PCMTD2: variants seen among roughly 807,000 people sequenced by gnomAD.
The protein encoded by PCMTD2 is protein-L-isoaspartate (D-aspartate) O-methyltransferase domain containing 2.
In PCMTD2, 16 loss-of-function variants were observed where a neutral mutation model predicts 33.4. The ratio of observed to expected loss-of-function variants is 0.48; its 90% CI spans 0.32 to 0.73. The LOEUF is 0.73. Ranked by LOEUF, PCMTD2 falls within the 30% of genes least tolerant of loss-of-function variation. The pLI is 0.03. For synonymous variants in PCMTD2, 161 were observed against 160.8 expected (o/e 1.00, Z -0.01); for missense variants, 374 against 449.9 (o/e 0.83, Z 1.53).
rs1985344324 is a variant in PCMTD2 at position 64,260,174 on chromosome 20, CGGA to C, written c.212_214del (p.Glu71del). ...CACCTCTCAGCCCCGTGCATCTACTCGGAGGTGATGGAAGCCCTAGATCTGCAG... is the reference window on the plus strand; with the variant it reads ...CACCTCTCAGCCCCGTGCATCTACTCGGTGATGGAAGCCCTAGATCTGCAG... On this transcript the variant is annotated inframe_deletion, in exon 2 of 6. Coordinates refer to ENST00000308824, the MANE Select transcript of PCMTD2 (RefSeq NM_018257.3). The C allele has an allele frequency of 1.2e-6, 2 of 1,612,822 alleles. No individual in the cohort carries two copies. Among genetic ancestry groups the C allele is most frequent in the Non-Finnish European group, 1.7e-6 (2 of 1,178,946 alleles).
chr20:64,268,893 A>C (rs1475069102), intron 5 of PCMTD2, among the ~76,000 whole-genome samples: 1 of 152,214 alleles, frequency 6.6e-6, no homozygotes, highest in African/African-American at 2.4e-5. Flanking sequence ...GATAATGAGC[A>C]ACAATAGGAC....
chr20:64,264,615 G>A, intron 3 of PCMTD2, 84 bp downstream of exon 3: 1 of 731,904 alleles, frequency 1.4e-6, no homozygotes, highest in Non-Finnish European at 2.5e-6. Flanking sequence ...AAATCATGTG[G>A]TAGGAAACAT....
chr20:64,265,417 A>G lies in PCMTD2; in HGVS notation c.570A>G (p.Pro190=). The G allele has an allele frequency of 6.2e-7, 1 of 1,610,614 alleles. No homozygotes were observed. Among genetic ancestry groups the G allele is most frequent in the South Asian group, 1.1e-5 (1 of 90,484 alleles). The change falls in exon 4 of 6, where the codon CCA becomes CCG. Residue 190 remains proline (P), a synonymous_variant. Coordinates refer to ENST00000308824, the MANE Select transcript of PCMTD2 (RefSeq NM_018257.3). ...AAGTGGGAGGGATCCTTGTCATGCC[A>G]CTGGAAGAGAAGGTCAGATTCCCTT... The part of the protein sequence containing the change: ...LLKVGGILVM[P]LEEKLTKITR...
intron 2 of PCMTD2, 147 bp downstream of exon 2, chr20:64,260,419 G>A: frequency 1.6e-6 from 1 of 628,864 alleles, no homozygotes; most frequent in South Asian, 1.9e-5. Flanking sequence ...TCACTGGGTG[G>A]TGGATAGAGG....
chr20:64,260,174 C>A lies in PCMTD2; in HGVS notation c.209C>A (p.Ser70Ter). Residue 70 changes from serine to a stop codon, truncating the protein, a stop_gained, in exon 2 of 6, where the codon TCG (serine) becomes TAG (stop). Coordinates refer to ENST00000308824, the MANE Select transcript of PCMTD2 (RefSeq NM_018257.3). LOFTEE classifies it high-confidence loss of function. ...CACCTCTCAGCCCCGTGCATCTACT[C>A]GGAGGTGATGGAAGCCCTAGATCTG... ...NIHLSAPCIY[S>*]EVMEALDLQP... 6.2e-7 allele frequency: 1 copy of A among 1,612,940 alleles called. No homozygotes were observed. The highest frequency in any genetic ancestry group is 8.5e-7 in the Non-Finnish European group (1 of 1,178,938).
At chr20:64,267,308 A>T (rs757053888) in intron 4 of PCMTD2, among the ~76,000 whole-genome samples, 3 of 152,170 alleles carry the variant, frequency 2.0e-5, no homozygotes, top group African/African-American at 4.8e-5. Context: ...TATCAGGGCA[A>T]GGCTCATTTA....
In PCMTD2 at chr20:64,273,478, G is replaced by A; in HGVS notation, c.964G>A (p.Glu322Lys). The A allele has an allele frequency of 6.2e-7, 1 of 1,612,454 alleles. No individual in the cohort carries two copies. The highest frequency in any genetic ancestry group is 8.5e-7 in the Non-Finnish European group (1 of 1,179,470). ...EDLEEERREEEEKTPPETKPD... is the reference protein window; with the variant it reads ...EDLEEERREEKEKTPPETKPD... ...CTTGGAAGAGGAACGGAGGGAAGAA[G>A]AAGAGAAGACCCCGCCGGAAACAAA... The change falls in exon 6 of 6, where the codon GAA becomes AAA. Residue 322 changes from glutamate (E) to lysine (K), a missense_variant. Coordinates refer to ENST00000308824, the MANE Select transcript of PCMTD2 (RefSeq NM_018257.3).
At chr20:64,258,439 A>G (rs1305895315) in intron 1 of PCMTD2, among the ~76,000 whole-genome samples, 1 of 152,232 alleles carries the variant, frequency 6.6e-6, no homozygotes, top group Admixed American at 6.5e-5. Context: ...TGCAAAACCT[A>G]ATATTCAGCT....
intron 5 of PCMTD2, among the ~76,000 whole-genome samples, chr20:64,268,283 T>A (rs1230931643): frequency 1.3e-5 from 2 of 152,322 alleles, no homozygotes; most frequent in African/African-American, 4.8e-5. Context: ...AGGGAGCTCA[T>A]TTTGCCATGT....
Position 64,265,281 on chromosome 20 carries a change from T to C in PCMTD2, c.434T>C (p.Phe145Ser). 6.2e-7 allele frequency: 1 copy of C among 1,603,736 alleles called. No individual in the cohort carries two copies. Among genetic ancestry groups the C allele is most frequent in the Non-Finnish European group, 8.5e-7 (1 of 1,177,144 alleles). ...AGGTTTGACTTCTGTGAACCTTCCT[T>C]TGTTACTGGGAATTGCCTGGAGATT... ...FDKFDFCEPSFVTGNCLEISP... is the reference protein window; with the variant it reads ...FDKFDFCEPSSVTGNCLEISP... The change falls in exon 4 of 6, where the codon TTT becomes TCT. Residue 145 changes from phenylalanine (F) to serine (S), a missense_variant. Transcript: ENST00000308824.
chr20:64,263,115 G>A (rs1985501422), intron 2 of PCMTD2, among the ~76,000 whole-genome samples: 1 of 152,204 alleles, frequency 6.6e-6, no homozygotes, highest in African/African-American at 2.4e-5. Context: ...AAGGTGAGGG[G>A]TCAGTGAAAA....
intron 5 of PCMTD2, 37 bp downstream of exon 5, chr20:64,268,047 A>G: frequency 6.7e-7 from 1 of 1,485,028 alleles, no homozygotes; most frequent in Non-Finnish European, 9.1e-7. Context: ...TATCTTTTAG[A>G]TCTTTTCTCT....
chr20:64,270,759 C>T (rs974402696), intron 5 of PCMTD2, among the ~76,000 whole-genome samples: 3 of 144,024 alleles, frequency 2.1e-5, no homozygotes, highest in Admixed American at 6.8e-5. Flanking sequence ...GTGAGGTGTT[C>T]GTTGTGATAC....
intron 3 of PCMTD2, among the ~76,000 whole-genome samples, chr20:64,264,826 T>TA (rs1985590730): frequency 6.6e-6 from 1 of 152,222 alleles, no homozygotes; most frequent in Non-Finnish European, 1.5e-5. Context: ...CTCTAAACAG[T>TA]ATATGTAACT....
chr20:64,269,591 A>G (rs1289998185), intron 5 of PCMTD2, among the ~76,000 whole-genome samples: 1 of 152,232 alleles, frequency 6.6e-6, no homozygotes, highest in Non-Finnish European at 1.5e-5. Flanking sequence ...ACAGTGGAGT[A>G]GAAAACTCTG....
At position 64,261,077 on chromosome 20, in the gene PCMTD2, A is replaced by G. The variant is rs146844404; in HGVS notation, c.307+805A>G. Reference sequence around the variant, plus strand: ...ATGGAAGGGATTTCACTATGAAGCTATTTAGCCTATTTTCCAAACAAATGA... The same window carrying G: ...ATGGAAGGGATTTCACTATGAAGCTGTTTAGCCTATTTTCCAAACAAATGA... On this transcript the variant is annotated intron_variant, in intron 2 of 5. Transcript: ENST00000308824. Among the ~76,000 whole-genome samples, 361 of 152,314 alleles carry G rather than the reference A, an allele frequency of 2.4e-3. 2 individuals are homozygous for G. The highest frequency in any genetic ancestry group is 0.02 in the Middle Eastern group (6 of 294).
chr20:64,264,471 T>C lies in PCMTD2; in HGVS notation c.350T>C (p.Val117Ala). Residue 117 changes from valine to alanine, a missense_variant, in exon 3 of 6, where the codon GTG becomes GCG. Physicochemically the swap from Val to Ala is moderately conservative, Grantham distance 64. Coordinates refer to ENST00000308824, the MANE Select transcript of PCMTD2 (RefSeq NM_018257.3). ...CATGGGGTGGAACTTCACTCAGATG[T>C]GATAGAGTATGCAAAGCAGAAACTG... is the stretch of plus-strand genomic sequence containing the variant. Reference protein sequence around the residue: ...VNHGVELHSDVIEYAKQKLDF... With the variant: ...VNHGVELHSDAIEYAKQKLDF... The C allele has an allele frequency of 6.2e-7, 1 of 1,607,342 alleles. No homozygotes were observed. The highest frequency in any genetic ancestry group is 8.5e-7 in the Non-Finnish European group (1 of 1,173,898).
Position 64,275,362 on chromosome 20 carries a change from A to G in PCMTD2, c.*1762A>G, listed in dbSNP as rs967472228. The G allele has an allele frequency of 2.6e-5, 4 of 152,168 alleles. No individual in the cohort carries two copies. Among genetic ancestry groups the G allele is most frequent in the South Asian group, 2.1e-4 (1 of 4,824 alleles). 9.4% of individuals were successfully genotyped at this position (152,168 alleles called of 1,614,324 possible). A position where few individuals can be genotyped will look rare whatever the true frequency, so the allele number is the denominator to read the frequency against. ...TTGGACATTATATTAAATGAGTGCT[A>G]TCTGTGAAATTGGTTATATTAGGTG... On this transcript the variant is annotated 3_prime_UTR_variant, in exon 6 of 6. Transcript: ENST00000308824.
intron 4 of PCMTD2, among the ~76,000 whole-genome samples, chr20:64,266,331 T>C (rs1409357868): frequency 3.3e-5 from 5 of 152,132 alleles, no homozygotes; most frequent in Non-Finnish European, 4.4e-5. Context: ...GATCTCAGCT[T>C]AGTGCAACCT....
Sources: allele counts gnomAD v4.1 joint callset (sites outside exome capture counted in the v4.1 genomes callset), GRCh38; gene constraint gnomAD v4.1.1; transcripts MANE v1.5; gene names NCBI Gene and HGNC (gene_info 2026-07-23, HGNC 2026-07-21).